The following CACHD1 variants were observed in gnomAD, a reference collection of about 807,000 sequenced individuals.
CACHD1 encodes the protein VWFA and cache domain-containing protein 1.
Under a neutral mutation model 138.7 loss-of-function variants are expected in CACHD1, and 71 were observed. The observed-to-expected ratio is 0.51, with a 90% CI of 0.42 to 0.62. The LOEUF (loss-of-function observed/expected upper bound fraction) is 0.62. Among genes scored for constraint, CACHD1 ranks in the 20% least tolerant of loss-of-function variants. The pLI is 0.00. For synonymous variants in CACHD1, 578 were observed against 591.5 expected, an observed-to-expected ratio of 0.98 and a Z score of 0.33; for missense variants, 1,389 against 1,625.3, an observed-to-expected ratio of 0.85 and a Z score of 2.50.
chr1:64,604,217 A>G (rs929486997), intron 4 of CACHD1, among the ~76,000 whole-genome samples: 2 of 152,226 alleles, frequency 1.3e-5, no homozygotes, highest in African/African-American at 4.8e-5. Context: ...CTTAGGCATA[A>G]TAAAACTATA....
At position 64,602,925 on chromosome 1, in the gene CACHD1, T is replaced by C. The variant is rs550241032; in HGVS notation, c.517+13T>C. 9.3e-5 allele frequency: 143 copies of C among 1,530,984 alleles called. 3 individuals are homozygous for C. The South Asian group carries it at 1.5e-3, about 16-fold the overall frequency. 94.8% of individuals were successfully genotyped at this position (1,530,984 alleles called of 1,614,324 possible). ...GACTTAAATTCAGGTCAGTAATCCA[T>C]TGGCTTTATAAAGATGAACTGTATT... On this transcript the variant is annotated intron_variant, in intron 4 of 26. Transcript: ENST00000651257.
At chr1:64,657,580 T>C (rs1649308085) in intron 12 of CACHD1, among the ~76,000 whole-genome samples, 1 of 152,180 alleles carries the variant, frequency 6.6e-6, no homozygotes, top group Non-Finnish European at 1.5e-5. Context: ...AGGAAAAGGA[T>C]TAAATTTGTT....
rs546184238 is a variant in CACHD1 at position 64,656,631 on chromosome 1, C to T, written c.1782+1828C>T. Among the ~76,000 whole-genome samples the T allele has an allele frequency of 7.2e-5, 11 of 151,874 alleles. No homozygotes were observed. The South Asian group carries it at 1.7e-3, about 23-fold the overall frequency. ...TCAATGTTAGTGGGGTTTTTTTCAA[C>T]GATGCTAGTAAATTCTGGTTATTCT... On this transcript the variant is annotated intron_variant, in intron 12 of 26. Coordinates refer to ENST00000651257, the MANE Select transcript of CACHD1 (RefSeq NM_020925.4).
At chr1:64,486,369 TACACACAC>T (rs3078376) in intron 1 of CACHD1, among the ~76,000 whole-genome samples, 152 of 145,130 alleles carry the variant, frequency 1.0e-3, no homozygotes, top group African/African-American at 3.5e-3. Flanking sequence ...CACACACACA[TACACACAC>T]ACACACACAC....
intron 9 of CACHD1, among the ~76,000 whole-genome samples, chr1:64,648,813 A>G (rs1457664512): frequency 1.3e-5 from 2 of 152,226 alleles, no homozygotes; most frequent in Non-Finnish European, 2.9e-5. Flanking sequence ...AACAGAAAAT[A>G]CAACATTTTC....
chr1:64,482,943 T>G (rs942612675), intron 1 of CACHD1, among the ~76,000 whole-genome samples: 1 of 152,180 alleles, frequency 6.6e-6, no homozygotes, highest in African/African-American at 2.4e-5. Context: ...TGTCACATCA[T>G]GAGGACTCAA....
intron 25 of CACHD1, among the ~76,000 whole-genome samples, chr1:64,681,538 T>C (rs1324316640): frequency 7.2e-6 from 1 of 139,574 alleles, no homozygotes; most frequent in African/African-American, 2.7e-5. Flanking sequence ...AAGATTTTAT[T>C]GTGTTTTTTT....
chr1:64,582,828 T>C (rs1647023227), intron 3 of CACHD1, among the ~76,000 whole-genome samples: 1 of 152,156 alleles, frequency 6.6e-6, no homozygotes, highest in African/African-American at 2.4e-5. Flanking sequence ...TGGAGGGGTA[T>C]AGGGCTATGG....
In CACHD1 at chr1:64,470,395, C is replaced by G. The variant is rs1487005519; in HGVS notation, c.-350C>G. ...TCGGCTCGGGCTCCGACTCCGACTC[C>G]GATTCCGACTGTCAGCCCCGGGGCC... On this transcript the variant is annotated 5_prime_UTR_variant, in exon 1 of 27. Coordinates refer to ENST00000651257, the MANE Select transcript of CACHD1 (RefSeq NM_020925.4). This position sits in a 1 kb window ranked among gnomAD's most constrained non-coding sequence, Gnocchi z 5.2. 6.6e-6 allele frequency among the ~76,000 whole-genome samples: 1 copy of G among 151,614 alleles called. No homozygotes were observed. The highest frequency in any genetic ancestry group is 2.1e-4 in the South Asian group (1 of 4,816).
chr1:64,651,704 G>A (rs956469529), intron 9 of CACHD1, among the ~76,000 whole-genome samples: 3 of 152,170 alleles, frequency 2.0e-5, no homozygotes, highest in Non-Finnish European at 2.9e-5. Context: ...AAGGCTCAGA[G>A]TAGTTATATC....
intron 19 of CACHD1, among the ~76,000 whole-genome samples, chr1:64,674,512 A>G (rs149514563): frequency 5.2e-4 from 79 of 152,324 alleles, no homozygotes; most frequent in Non-Finnish European, 6.6e-4. Context: ...CCCCAAATGG[A>G]ATTAGAGCAT....
chr1:64,494,074 G>T (rs1035982669), intron 1 of CACHD1, among the ~76,000 whole-genome samples: 1 of 152,198 alleles, frequency 6.6e-6, no homozygotes, highest in Non-Finnish European at 1.5e-5. Context: ...GGAATGTGGA[G>T]ACCAGGGTAT....
At chr1:64,640,447 G>A (rs1010807568) in intron 7 of CACHD1, among the ~76,000 whole-genome samples, 3 of 152,258 alleles carry the variant, frequency 2.0e-5, no homozygotes, top group Admixed American at 1.3e-4. Context: ...AGGCCAAGGC[G>A]GGCAGATCAT....
intron 4 of CACHD1, among the ~76,000 whole-genome samples, chr1:64,624,746 G>C (rs968977711): frequency 1.6e-4 from 25 of 152,172 alleles, no homozygotes; most frequent in African/African-American, 6.0e-4. Flanking sequence ...GTCACTTGGA[G>C]ATAATAATTT....
At chr1:64,591,207 T>A (rs11208474) in intron 3 of CACHD1, among the ~76,000 whole-genome samples, 17,450 of 152,228 alleles carry the variant, frequency 0.11, 1,023 homozygotes, top group Middle Eastern at 0.19. Flanking sequence ...CACTCATCCA[T>A]TCGTTTGAAA....
intron 1 of CACHD1, among the ~76,000 whole-genome samples, chr1:64,502,902 C>T (rs1184669294): frequency 1.3e-5 from 2 of 152,176 alleles, no homozygotes; most frequent in Non-Finnish European, 2.9e-5. Context: ...AAGTATTTTT[C>T]TTTTCCCATT....
chr1:64,522,421 C>A (rs1161431652), intron 1 of CACHD1, among the ~76,000 whole-genome samples: 1 of 152,064 alleles, frequency 6.6e-6, no homozygotes, highest in African/African-American at 2.4e-5. Flanking sequence ...AATTCTCCTG[C>A]CTCAGCCTCC....
rs757425598 is a variant in CACHD1, at chr1:64,676,966, T to C, written c.3047T>C (p.Leu1016Pro). ...TAIDPGLQDA[L>P]HQCVNSRCSQ... ...ATTGACCCTGGCCTGCAAGATGCTCTTCACCAGTGTGTCAACAGCAGGTGC... is the reference window on the plus strand; with the variant it reads ...ATTGACCCTGGCCTGCAAGATGCTCCTCACCAGTGTGTCAACAGCAGGTGC... Residue 1016 changes from leucine to proline, a missense_variant, in exon 22 of 27, where the codon CTT becomes CCT. This residue lies in a region of CACHD1 where 250 missense variants were observed against 292.9 expected (regional missense o/e 0.85). Coordinates refer to ENST00000651257, the MANE Select transcript of CACHD1 (RefSeq NM_020925.4). 3 of 1,614,076 alleles carry C rather than the reference T, an allele frequency of 1.9e-6. No individual in the cohort carries two copies. The highest frequency in any genetic ancestry group is 2.5e-6 in the Non-Finnish European group (3 of 1,179,934).
intron 12 of CACHD1, among the ~76,000 whole-genome samples, chr1:64,655,866 G>A (rs898873899): frequency 6.6e-6 from 1 of 152,160 alleles, no homozygotes; most frequent in African/African-American, 2.4e-5. Flanking sequence ...ATTTTTCTTG[G>A]ATGGACAAAT....
Sources: allele counts gnomAD v4.1 joint callset (sites outside exome capture counted in the v4.1 genomes callset), GRCh38; gene constraint gnomAD v4.1.1; regional missense constraint gnomAD v4.1.1; non-coding constraint Gnocchi (gnomAD v3.1); transcripts MANE v1.5; gene names NCBI Gene and HGNC (gene_info 2026-07-23, HGNC 2026-07-21).